Variants in NFIB observed in about 807,000 individuals in gnomAD.
The protein encoded by NFIB is nuclear factor I B.
In NFIB, 11 loss-of-function variants were observed where a neutral mutation model predicts 61.5. The observed-to-expected ratio is 0.18, with a 90% CI of 0.11 to 0.30. The LOEUF is 0.30. NFIB is among the 10% of genes least tolerant of loss of function. The pLI, the probability that NFIB is intolerant of heterozygous loss-of-function variation, is 1.00. For synonymous variants in NFIB, 260 were observed against 216.5 expected, an observed-to-expected ratio of 1.20 and a Z score of -1.76; for missense variants, 471 against 608.9, an observed-to-expected ratio of 0.77 and a Z score of 2.38.
the NFIB span, among the ~76,000 whole-genome samples, chr9:14,467,896 T>C: frequency 6.6e-6 from 1 of 152,196 alleles, no homozygotes; most frequent in Admixed American, 6.5e-5. Flanking sequence ...TGAGATTTAA[T>C]AACAATGTAG....
At chr9:14,232,953 C>T (rs1364133415) in intron 2 of NFIB, among the ~76,000 whole-genome samples, 1 of 152,222 alleles carries the variant, frequency 6.6e-6, no homozygotes, top group Non-Finnish European at 1.5e-5. Context: ...ATCTAGCAAA[C>T]TGGCATGCTC....
intron 2 of NFIB, among the ~76,000 whole-genome samples, chr9:14,262,275 C>T (rs1488298141): frequency 4.6e-5 from 7 of 152,196 alleles, no homozygotes; most frequent in African/African-American, 1.7e-4. Flanking sequence ...TTACTTTCTT[C>T]CTGCTGGATC....
chr9:14,166,000 T>C (rs1023883707), intron 3 of NFIB, among the ~76,000 whole-genome samples: 3 of 152,318 alleles, frequency 2.0e-5, no homozygotes, highest in Non-Finnish European at 2.9e-5. Context: ...ACAAATTTAA[T>C]GTTACGCGTA....
chr9:14,315,065 G>A (rs1485351149), upstream of NFIB, among the ~76,000 whole-genome samples: 2 of 151,936 alleles, frequency 1.3e-5, no homozygotes, highest in Non-Finnish European at 2.9e-5. Flanking sequence ...CGGAGCCTGC[G>A]GCTGCCGGGA....
chr9:14,401,428 T>C (rs562448096), upstream of NFIB, among the ~76,000 whole-genome samples: 8 of 152,192 alleles, frequency 5.3e-5, no homozygotes, highest in Non-Finnish European at 5.9e-5. Context: ...CTATCCATCA[T>C]TGGGAAATAC....
the NFIB span, among the ~76,000 whole-genome samples, chr9:14,426,891 T>C: frequency 6.6e-6 from 1 of 152,168 alleles, no homozygotes; most frequent in Non-Finnish European, 1.5e-5. Flanking sequence ...CAGACCTCAC[T>C]GCACTGGAGC....
At chr9:14,269,604 A>G (rs533538350) in intron 2 of NFIB, among the ~76,000 whole-genome samples, 5 of 152,216 alleles carry the variant, frequency 3.3e-5, no homozygotes, top group Non-Finnish European at 7.3e-5. Flanking sequence ...CTGCACACAT[A>G]TATGTCTGAA....
Position 14,143,991 on chromosome 9 carries a change from AGTGTGTGTGTGT to A in NFIB, c.925+2686_925+2697del, listed in dbSNP as rs141101627. ...AGGGTCTTCAGAATTAAAGTGACAG[AGTGTGTGTGTGT>A]GTGTGTGTGTGTGTGTGTGTGTGTG... is the stretch of plus-strand genomic sequence containing the variant. On this transcript the variant is annotated intron_variant, in intron 6 of 10. Coordinates refer to ENST00000380953, the MANE Select transcript of NFIB (RefSeq NM_001190737.2). Among the ~76,000 whole-genome samples the A allele has an allele frequency of 2.1e-4, 28 of 134,230 alleles. 1 individual carries two copies. The highest frequency in any genetic ancestry group is 3.1e-4 in the Admixed American group (4 of 12,906). 88.1% of individuals were successfully genotyped at this position (134,230 alleles called of 152,430 possible). A position where few individuals can be genotyped will look rare whatever the true frequency, so the allele number is the denominator to read the frequency against.
chr9:14,115,458 A>T (rs1293490075), intron 9 of NFIB, among the ~76,000 whole-genome samples: 1 of 152,180 alleles, frequency 6.6e-6, no homozygotes, highest in Non-Finnish European at 1.5e-5. Context: ...AATTTCTTCT[A>T]TACTTCTAAG....
intron 2 of NFIB, among the ~76,000 whole-genome samples, chr9:14,231,259 C>T (rs1424572179): frequency 6.7e-6 from 1 of 149,180 alleles, no homozygotes; most frequent in African/African-American, 2.5e-5. Context: ...AAACTATTTG[C>T]TCCTGAATTT....
At chr9:14,327,515 G>T (rs1286204857) in intron 1 of NFIB, among the ~76,000 whole-genome samples, 1 of 152,148 alleles carries the variant, frequency 6.6e-6, no homozygotes, top group African/African-American at 2.4e-5. Flanking sequence ...ACCTTGGGCT[G>T]GGTGCTGCCA....
chr9:14,457,532 CAG>C, the NFIB span, among the ~76,000 whole-genome samples: 1 of 149,216 alleles, frequency 6.7e-6, no homozygotes, highest in Non-Finnish European at 1.5e-5. Flanking sequence ...CTGAAGGAGA[CAG>C]AGACACAAAA....
At chr9:14,389,848 G>T (rs2061598986) in intron 1 of NFIB, among the ~76,000 whole-genome samples, 1 of 152,172 alleles carries the variant, frequency 6.6e-6, no homozygotes, top group Non-Finnish European at 1.5e-5. Context: ...AACTGATGTA[G>T]CCAGACACAT....
At chr9:14,229,373 C>A (rs1360867494) in intron 2 of NFIB, among the ~76,000 whole-genome samples, 1 of 152,076 alleles carries the variant, frequency 6.6e-6, no homozygotes, top group Non-Finnish European at 1.5e-5. Context: ...AAGAATTATG[C>A]CAAATGGGAG....
At chr9:14,181,187 T>TA (rs1269321449) in intron 2 of NFIB, among the ~76,000 whole-genome samples, 3 of 152,336 alleles carry the variant, frequency 2.0e-5, no homozygotes, top group Admixed American at 2.0e-4. Context: ...TCATGCCTGT[T>TA]AGCTTAGATT....
chr9:14,217,240 C>G (rs2051029772), intron 2 of NFIB, among the ~76,000 whole-genome samples: 1 of 152,200 alleles, frequency 6.6e-6, no homozygotes, highest in South Asian at 2.1e-4. Context: ...CACACTAATT[C>G]ACACTTAACA....
chr9:14,467,304 C>T, the NFIB span, among the ~76,000 whole-genome samples: 2 of 152,198 alleles, frequency 1.3e-5, no homozygotes, highest in Non-Finnish European at 2.9e-5. Flanking sequence ...AGCTGTTCCT[C>T]TTCCCAGCAC....
At chr9:14,242,067 G>A (rs1047246335) in intron 2 of NFIB, among the ~76,000 whole-genome samples, 2 of 152,114 alleles carry the variant, frequency 1.3e-5, no homozygotes, top group African/African-American at 4.8e-5. Flanking sequence ...AAACCAGCCA[G>A]CAAAAGGCGA....
the NFIB span, among the ~76,000 whole-genome samples, chr9:14,452,410 T>TGGAA: frequency 0.74 from 45,108 of 61,334 alleles, 15,255 homozygotes; most frequent in Admixed American, 0.79. Context: ...CAGAGGGAGA[T>TGGAA]GGAAGGAAGG....
Sources: gnomAD v4.1 joint callset for allele counts (sites outside exome capture counted in the v4.1 genomes callset) on GRCh38, gnomAD v4.1.1 for gene constraint, MANE v1.5 for transcripts, NCBI Gene and HGNC (gene_info 2026-07-23, HGNC 2026-07-21) for gene names.